Variants in TMEM260 observed in about 807,000 individuals in gnomAD.
The protein encoded by TMEM260 is transmembrane protein 260, also known as protein O-mannosyl-transferase TMEM260.
In TMEM260, 82 loss-of-function variants were observed where a neutral mutation model predicts 88.9. The observed-to-expected ratio is 0.92, with a 90% CI of 0.77 to 1.11. The LOEUF (loss-of-function observed/expected upper bound fraction) is 1.11. Among genes scored for constraint, TMEM260 ranks in the 50% least tolerant of loss-of-function variants. TMEM260 has a pLI of 0.00. For missense variants in TMEM260, 902 were observed against 853.4 expected (o/e 1.06, Z -0.71); for synonymous variants, 314 against 309.3 (o/e 1.02, Z -0.16).
intron 4 of TMEM260, 100 bp downstream of exon 4, chr14:56,604,092 T>A: frequency 8.5e-7 from 1 of 1,181,590 alleles, no homozygotes; most frequent in African/African-American, 1.6e-5. Flanking sequence ...TCTATTCTGA[T>A]TACAGTCGGG....
intron 15 of TMEM260, among the ~76,000 whole-genome samples, chr14:56,644,112 C>T (rs1205329400): frequency 6.6e-6 from 1 of 152,164 alleles, no homozygotes; most frequent in Non-Finnish European, 1.5e-5. Context: ...ATGCCATCCC[C>T]ATCAAGCTAC....
At chr14:56,636,228 C>CAATAACATACAAT (rs889757359) in intron 14 of TMEM260, among the ~76,000 whole-genome samples, 3 of 152,094 alleles carry the variant, frequency 2.0e-5, no homozygotes, top group African/African-American at 7.2e-5. Flanking sequence ...TCTTGCATAA[C>CAATAACATACAAT]AATAACATAC....
chr14:56,630,793 A>T (rs1888541399), intron 12 of TMEM260, among the ~76,000 whole-genome samples: 1 of 152,128 alleles, frequency 6.6e-6, no homozygotes, highest in South Asian at 2.1e-4. Context: ...GTCTTATTTA[A>T]ATCCCAAGGA....
At chr14:56,638,888 G>A (rs1889340256) in intron 15 of TMEM260, among the ~76,000 whole-genome samples, 1 of 152,098 alleles carries the variant, frequency 6.6e-6, no homozygotes, top group South Asian at 2.1e-4. Context: ...TAATATCACA[G>A]CAACACATGT....
intron 11 of TMEM260, among the ~76,000 whole-genome samples, chr14:56,625,146 C>T (rs927048659): frequency 5.3e-5 from 8 of 151,938 alleles, no homozygotes; most frequent in South Asian, 2.1e-4. Flanking sequence ...GAGTCAAATG[C>T]GGGAGGTAAA....
At chr14:56,586,999 T>C (rs901623140) in intron 3 of TMEM260, among the ~76,000 whole-genome samples, 1 of 151,810 alleles carries the variant, frequency 6.6e-6, no homozygotes, top group Non-Finnish European at 1.5e-5. Context: ...CTGCTTAGAT[T>C]CATTAGTACT....
At chr14:56,606,437 A>G (rs1302162819) in intron 5 of TMEM260, among the ~76,000 whole-genome samples, 1 of 152,210 alleles carries the variant, frequency 6.6e-6, no homozygotes, top group Non-Finnish European at 1.5e-5. Context: ...AATAGAAAAC[A>G]TATAAAACAA....
At chr14:56,636,708 C>T (rs550743988) in intron 15 of TMEM260, 110 bp downstream of exon 15, 1 of 971,516 alleles carries the variant, frequency 1.0e-6, no homozygotes, top group East Asian at 2.6e-5. Flanking sequence ...TATTTTATTT[C>T]TCTCAATTTG....
chr14:56,604,329 C>T (rs1886761497), intron 4 of TMEM260, among the ~76,000 whole-genome samples: 1 of 152,144 alleles, frequency 6.6e-6, no homozygotes, highest in Admixed American at 6.6e-5. Flanking sequence ...AAGCTCTACA[C>T]TGGCCCCCTT....
At chr14:56,661,793 TTTG>T in the TMEM260 span, among the ~76,000 whole-genome samples, 1,244 of 152,164 alleles carry the variant, frequency 8.2e-3, 12 homozygotes, top group African/African-American at 0.029. Flanking sequence ...GAAACTTGAG[TTTG>T]TTGTTTATAT....
chr14:56,613,862 C>A (rs1237905225), intron 7 of TMEM260: 4 of 150,234 alleles, frequency 2.7e-5, no homozygotes, highest in African/African-American at 7.4e-5. Flanking sequence ...GAGTTTGAGA[C>A]CAGCCTGGGC....
rs774096305 is a variant in TMEM260 at position 56,617,269 on chromosome 14, A to G, written c.1028A>G (p.Asp343Gly). The G allele has an allele frequency of 5.0e-6, 8 of 1,600,246 alleles. No individual in the cohort carries two copies. Among genetic ancestry groups the G allele is most frequent in the Middle Eastern group, 1.7e-4 (1 of 6,022 alleles). ...SLFFAWRANL[D>G]ISKPLFMGVV... ...TTCTTTGCTTGGAGAGCAAATTTAGATATTTCAAAACCACTTTTCATGGGT... is the reference window on the plus strand; with the variant it reads ...TTCTTTGCTTGGAGAGCAAATTTAGGTATTTCAAAACCACTTTTCATGGGT... The change falls in exon 9 of 16, where the codon GAT becomes GGT. Residue 343 changes from aspartate to glycine, a missense_variant. Physicochemically the swap from Asp to Gly is moderately conservative, Grantham distance 94. Coordinates refer to ENST00000261556, the MANE Select transcript of TMEM260 (RefSeq NM_017799.4).
intron 12 of TMEM260, among the ~76,000 whole-genome samples, chr14:56,631,287 T>G (rs1888576758): frequency 6.6e-6 from 1 of 152,170 alleles, no homozygotes; most frequent in South Asian, 2.1e-4. Flanking sequence ...GGGGGTGGGC[T>G]GCCCAGATGT....
intron 13 of TMEM260, chr14:56,633,607 T>C (rs60464379): frequency 0.05 from 7,741 of 154,756 alleles, 294 homozygotes; most frequent in East Asian, 0.15. Flanking sequence ...ATAACTTCTC[T>C]GTGAGCGAAG....
Position 56,648,769 on chromosome 14 carries a change from T to C in TMEM260, c.*1272T>C, listed in dbSNP as rs1890116622. On this transcript the variant is annotated 3_prime_UTR_variant, in exon 16 of 16. Transcript: ENST00000261556. Reference sequence around the variant, plus strand: ...TGCTGCAGGATGCCATGTAGGCATCTGTCTGGAGTGTCCTTTGTGATGTCA... The same window carrying C: ...TGCTGCAGGATGCCATGTAGGCATCCGTCTGGAGTGTCCTTTGTGATGTCA... The C allele has an allele frequency of 6.6e-6, 1 of 152,658 alleles. No homozygotes were observed. Among genetic ancestry groups the C allele is most frequent in the Non-Finnish European group, 1.5e-5 (1 of 68,056 alleles). 9.5% of individuals were successfully genotyped at this position (152,658 alleles called of 1,614,324 possible).
chr14:56,647,409 C>T lies in TMEM260; in HGVS notation c.2036C>T (p.Pro679Leu), dbSNP rs769529332. The change falls in exon 16 of 16, where the codon CCG becomes CTG. Residue 679 changes from proline (P) to leucine (L), a missense_variant. Physicochemically the swap from Pro to Leu is moderately conservative, Grantham distance 98. Coordinates refer to ENST00000261556, the MANE Select transcript of TMEM260 (RefSeq NM_017799.4). ...TTCCGTCTGTACTCTCAGAAAGCAC[C>T]GAATGACCCACAGCAAGCTGATATT... ...RHFRLYSQKA[P>L]NDPQQADILG... The T allele has an allele frequency of 4.6e-5, 75 of 1,614,062 alleles. 1 individual carries two copies. In the East Asian group the frequency reaches 1.1e-3, roughly 23 times the overall value.
chr14:56,589,630 A>T (rs1310778792), intron 3 of TMEM260, among the ~76,000 whole-genome samples: 2 of 152,294 alleles, frequency 1.3e-5, no homozygotes, highest in African/African-American at 4.8e-5. Flanking sequence ...TTAAAGGTAT[A>T]TTGAAACTTT....
intron 15 of TMEM260, chr14:56,638,285 C>T (rs1003417347): frequency 1.3e-5 from 2 of 151,264 alleles, no homozygotes; most frequent in African/African-American, 4.9e-5. Context: ...GTCAACTGTG[C>T]ATCAAAGAAC....
downstream of TMEM260, chr14:56,650,001 ATCCTT>A (rs1890171318): frequency 2.4e-6 from 1 of 419,284 alleles, no homozygotes; most frequent in South Asian, 1.7e-5. Flanking sequence ...ACTTTGGAGA[ATCCTT>A]TCCTTTCTAT....
Sources: allele counts gnomAD v4.1 joint callset (sites outside exome capture counted in the v4.1 genomes callset), GRCh38; gene constraint gnomAD v4.1.1; transcripts MANE v1.5; gene names NCBI Gene and HGNC (gene_info 2026-07-23, HGNC 2026-07-21).